The following DHCR24 variants were observed in gnomAD, a reference collection of about 807,000 sequenced individuals.
DHCR24 encodes the protein delta(24)-sterol reductase.
In DHCR24, 28 loss-of-function variants were observed where a neutral mutation model predicts 61.2. The ratio of observed to expected loss-of-function variants is 0.46; its 90% CI spans 0.34 to 0.63. The LOEUF (loss-of-function observed/expected upper bound fraction) is 0.63. Among genes scored for constraint, DHCR24 ranks in the 20% least tolerant of loss-of-function variants. The probability of loss-of-function intolerance (pLI) is 0.01; values close to 1 mark genes in which losing one functional copy is unlikely to be tolerated. For missense variants in DHCR24, 538 were observed against 679.1 expected (o/e 0.79, Z 2.31); for synonymous variants, 261 against 275.9 (o/e 0.95, Z 0.54).
rs994313019 is a variant in DHCR24, at chr1:54,860,724, G to T, written c.1020+4579C>A. ...GGTGAGGCCAGGCGCAGTGGCTCAC[G>T]CCTGTAATCCCAGCACTTTGGGAGG... On this transcript the variant is annotated intron_variant, in intron 6 of 8. Coordinates refer to ENST00000371269, the MANE Select transcript of DHCR24 (RefSeq NM_014762.4). Among the ~76,000 whole-genome samples the T allele has an allele frequency of 2.6e-5, 4 of 152,272 alleles. No individual in the cohort carries two copies. The East Asian group carries it at 5.8e-4, about 22-fold the overall frequency.
rs1384994257 is a variant in DHCR24 at position 54,852,234 on chromosome 1, CA to C, written c.1549del (p.Ter517GlufsTer12). ...YDKICKAARH[*>X] is the part of the protein sequence containing the mutation. ...CTGTCTCTCCAGGCGGGCTCCAGCT[CA>C]GTGCCTGGCGGCCTTGCAGATCTTG... On this transcript the variant is annotated frameshift_variant and stop_lost, in exon 9 of 9. Coordinates refer to ENST00000371269, the MANE Select transcript of DHCR24 (RefSeq NM_014762.4). LOFTEE classifies it high-confidence loss of function. The C allele has an allele frequency of 6.2e-7, 1 of 1,614,220 alleles. No homozygotes were observed. Among genetic ancestry groups the C allele is most frequent in the Non-Finnish European group, 8.5e-7 (1 of 1,180,044 alleles).
chr1:54,869,116 C>T lies in DHCR24; in HGVS notation c.876+2234G>A, dbSNP rs1202622325. ...AAGACAAATGTGAACCAAGTGATCA[C>T]TGCTGAAGACAAACAAACTGCAAAA... On this transcript the variant is annotated intron_variant, in intron 5 of 8. Coordinates refer to ENST00000371269, the MANE Select transcript of DHCR24 (RefSeq NM_014762.4). 2.6e-5 allele frequency among the ~76,000 whole-genome samples: 4 copies of T among 152,230 alleles called. No homozygotes were observed. The East Asian group carries it at 5.8e-4, about 22-fold the overall frequency.
chr1:54,872,247 C>T (rs973002541), intron 4 of DHCR24, among the ~76,000 whole-genome samples: 2 of 152,178 alleles, frequency 1.3e-5, no homozygotes, highest in African/African-American at 2.4e-5. Flanking sequence ...CCCCGGCCAG[C>T]GTTTTTCCTA....
chr1:54,880,166 G>A (rs1647056893), intron 2 of DHCR24, among the ~76,000 whole-genome samples: 1 of 152,140 alleles, frequency 6.6e-6, no homozygotes, highest in South Asian at 2.1e-4. Flanking sequence ...CGAAAGACCT[G>A]ACATAGCTAC....
intron 1 of DHCR24, 82 bp downstream of exon 1, chr1:54,886,807 C>T: frequency 6.4e-7 from 1 of 1,558,266 alleles, no homozygotes; most frequent in South Asian, 1.2e-5. Flanking sequence ...CGCACCGCAG[C>T]TCCCGTCGCC....
At chr1:54,859,227 A>T (rs1646923028) in intron 6 of DHCR24, among the ~76,000 whole-genome samples, 2 of 152,098 alleles carry the variant, frequency 1.3e-5, no homozygotes, top group Admixed American at 6.6e-5. Flanking sequence ...CATCCATGTG[A>T]GCTGGAAGCA....
At chr1:54,867,621 C>T (rs1469238289) in intron 5 of DHCR24, among the ~76,000 whole-genome samples, 1 of 152,166 alleles carries the variant, frequency 6.6e-6, no homozygotes, top group Admixed American at 6.5e-5. Context: ...GGCAGCAGAG[C>T]CACTTTGGGT....
chr1:54,868,805 C>T (rs577289998), intron 5 of DHCR24, among the ~76,000 whole-genome samples: 14 of 152,302 alleles, frequency 9.2e-5, no homozygotes, highest in African/African-American at 3.1e-4. Flanking sequence ...CAGTGGGTCA[C>T]GCCTGTAATC....
intron 2 of DHCR24, among the ~76,000 whole-genome samples, chr1:54,878,514 CAAAAAAAAAAAAAAAAAAAAAAAA>C (rs56198608): frequency 1.8e-5 from 1 of 54,298 alleles, no homozygotes; most frequent in East Asian, 7.1e-4. Context: ...AACTCTGTCT[CAAAAAAAAAAAAAAAAAAAAAAAA>C]AAAAAGATAA....
intron 4 of DHCR24, among the ~76,000 whole-genome samples, chr1:54,873,481 C>T (rs1647010211): frequency 6.6e-6 from 1 of 152,174 alleles, no homozygotes; most frequent in Non-Finnish European, 1.5e-5. Context: ...CTGTAAACAG[C>T]ATCAGGCAGG....
intron 6 of DHCR24, among the ~76,000 whole-genome samples, chr1:54,862,842 C>A (rs997866297): frequency 3.3e-5 from 5 of 151,960 alleles, no homozygotes; most frequent in African/African-American, 1.2e-4. Context: ...TTTGGGAGGC[C>A]GAGGCGGGTG....
chr1:54,862,139 C>A (rs1646941410), intron 6 of DHCR24, among the ~76,000 whole-genome samples: 1 of 152,158 alleles, frequency 6.6e-6, no homozygotes, highest in Non-Finnish European at 1.5e-5. Context: ...TCTGCATTGT[C>A]ATTTTCCCCT....
chr1:54,861,764 G>T (rs1041980544), intron 6 of DHCR24, among the ~76,000 whole-genome samples: 1 of 152,190 alleles, frequency 6.6e-6, no homozygotes, highest in Non-Finnish European at 1.5e-5. Context: ...TCATGAGTGT[G>T]AATCCCTGGT....
rs887863844 is a variant in DHCR24 at position 54,886,352 on chromosome 1, C to A, written c.231+537G>T. On this transcript the variant is annotated intron_variant, in intron 1 of 8. Transcript: ENST00000371269. ...TCTTGCTTTAGTCTTCTATCCTAAA[C>A]CCAATCAAAAGCGTCTTGCTGTACA... Among the ~76,000 whole-genome samples, 3 of 152,204 alleles carry A rather than the reference C, an allele frequency of 2.0e-5. No homozygotes were observed. In the East Asian group the frequency reaches 5.8e-4, roughly 29 times the overall value.
Position 54,851,116 on chromosome 1 carries a change from A to G in DHCR24, c.*1117T>C, listed in dbSNP as rs1048276308. ...TGGAACGGAAATGGAACTTTCTCTG[A>G]GCTTAGGATTTGTAAGGCACTGAAA... On this transcript the variant is annotated 3_prime_UTR_variant, in exon 9 of 9. Coordinates refer to ENST00000371269, the MANE Select transcript of DHCR24 (RefSeq NM_014762.4). 2.0e-5 allele frequency: 3 copies of G among 152,658 alleles called. No homozygotes were observed. Among genetic ancestry groups the G allele is most frequent in the African/African-American group, 7.2e-5 (3 of 41,532 alleles). 9.5% of individuals were successfully genotyped at this position (152,658 alleles called of 1,614,324 possible). A position where few individuals can be genotyped will look rare whatever the true frequency, so the allele number is the denominator to read the frequency against.
At chr1:54,886,750 C>T (rs1050332980) in intron 1 of DHCR24, 139 bp downstream of exon 1, 61 of 1,447,930 alleles carry the variant, frequency 4.2e-5, no homozygotes, top group Non-Finnish European at 5.2e-5. Context: ...GTTCCAACCC[C>T]TCTCCAACGC....
Position 54,852,268 on chromosome 1 carries a change from C to G in DHCR24, c.1516G>C (p.Val506Leu). ...GCGGCCTTGCAGATCTTGTCGTACA[C>G]CTCGGGGAAGGCGTCCTGGCAACCC... ...KLGCQDAFPE[V>L]YDKICKAARH is the part of the protein sequence containing the mutation. Residue 506 changes from valine to leucine, a missense_variant, in exon 9 of 9, where the codon GTG becomes CTG. By Grantham distance (32) the Val-to-Leu change is conservative (BLOSUM62 1). Transcript: ENST00000371269. 6.2e-7 allele frequency: 1 copy of G among 1,614,226 alleles called. No individual in the cohort carries two copies. Among genetic ancestry groups the G allele is most frequent in the Non-Finnish European group, 8.5e-7 (1 of 1,180,036 alleles).
chr1:54,877,298 A>G (rs1239821403), intron 2 of DHCR24, among the ~76,000 whole-genome samples: 1 of 151,900 alleles, frequency 6.6e-6, no homozygotes, highest in Non-Finnish European at 1.5e-5. Context: ...ACACTATACT[A>G]TGACCATCAT....
At chr1:54,864,584 T>C (rs1646957117) in intron 6 of DHCR24, among the ~76,000 whole-genome samples, 1 of 152,114 alleles carries the variant, frequency 6.6e-6, no homozygotes, top group Admixed American at 6.5e-5. Flanking sequence ...TTTTCAGAGA[T>C]GAAAATGTTT....
Sources: gnomAD v4.1 joint callset for allele counts (sites outside exome capture counted in the v4.1 genomes callset) on GRCh38, gnomAD v4.1.1 for gene constraint, MANE v1.5 for transcripts, NCBI Gene and HGNC (gene_info 2026-07-23, HGNC 2026-07-21) for gene names.